The following TRAPPC10 variants were observed in gnomAD, a reference collection of about 807,000 sequenced individuals.
TRAPPC10 encodes the protein trafficking protein particle complex subunit 10.
TRAPPC10 carries 23 observed loss-of-function variants against 125.5 expected under a neutral mutation model. The observed-to-expected ratio is 0.18, with a 90% CI of 0.13 to 0.26. The LOEUF (loss-of-function observed/expected upper bound fraction) is 0.26, where lower values mean the gene tolerates loss of function less well. Among genes scored for constraint, TRAPPC10 ranks in the 10% least tolerant of loss-of-function variants. TRAPPC10 has a pLI of 1.00. For synonymous variants in TRAPPC10, 509 were observed against 518.0 expected (o/e 0.98, Z 0.24); for missense variants, 1,123 against 1,308.4 (o/e 0.86, Z 2.19).
intron 2 of TRAPPC10, among the ~76,000 whole-genome samples, chr21:44,036,043 G>A (rs1334623462): frequency 6.6e-6 from 1 of 152,138 alleles, no homozygotes; most frequent in Non-Finnish European, 1.5e-5. Flanking sequence ...ATCCACCTGA[G>A]GGGCTTTTCA....
intron 20 of TRAPPC10, among the ~76,000 whole-genome samples, chr21:44,095,348 C>T (rs1446404710): frequency 2.0e-5 from 3 of 150,332 alleles, no homozygotes; most frequent in African/African-American, 4.9e-5. Context: ...CAGGTTCAAG[C>T]GATTCTCCTG....
rs553755902 is a variant in TRAPPC10 at position 44,075,932 on chromosome 21, C to G, written c.1301-620C>G. On this transcript the variant is annotated intron_variant, in intron 9 of 22. Transcript: ENST00000291574. ...GGTGTGGTGGTGCATGCCTGTAATCCCAGCTATTCGGGAGGCTGAGGCAGG... is the reference window on the plus strand; with the variant it reads ...GGTGTGGTGGTGCATGCCTGTAATCGCAGCTATTCGGGAGGCTGAGGCAGG... Among the ~76,000 whole-genome samples, 69 of 152,108 alleles carry G rather than the reference C, an allele frequency of 4.5e-4. 1 individual carries two copies. The highest frequency in any genetic ancestry group is 8.2e-4 in the Non-Finnish European group (56 of 67,988).
At chr21:44,093,911 C>A in intron 19 of TRAPPC10, 152 bp from the exon 20 acceptor site, 1 of 707,104 alleles carries the variant, frequency 1.4e-6, no homozygotes. Flanking sequence ...TGCTGTGGGG[C>A]CTAAAGCAGC....
chr21:44,034,809 T>C (rs1279799114), intron 2 of TRAPPC10, among the ~76,000 whole-genome samples: 2 of 152,114 alleles, frequency 1.3e-5, no homozygotes, highest in African/African-American at 4.8e-5. Flanking sequence ...GTAGAAGACC[T>C]TGTGAAGATG....
At chr21:44,037,066 C>T (rs985628300) in intron 2 of TRAPPC10, among the ~76,000 whole-genome samples, 7 of 152,192 alleles carry the variant, frequency 4.6e-5, no homozygotes, top group Admixed American at 2.0e-4. Context: ...TTATTAAACA[C>T]AGCACCCTTA....
rs143775804 is a variant in TRAPPC10 at position 44,055,315 on chromosome 21, T to C, written c.483-383T>C. 5.0e-4 allele frequency among the ~76,000 whole-genome samples: 76 copies of C among 152,236 alleles called. 1 individual carries two copies. In the Middle Eastern group the frequency reaches 0.02, roughly 41 times the overall value. On this transcript the variant is annotated intron_variant, in intron 4 of 22. Coordinates refer to ENST00000291574, the MANE Select transcript of TRAPPC10 (RefSeq NM_003274.5). ...CTGTTTATAGACGGAAGAAGCTAGA[T>C]GCGGTGGCTTATGCCTATAATCCCA...
rs954810521 is a variant in TRAPPC10 at position 44,047,565 on chromosome 21, T to TGTGTGTGTGTGTGTGTGTGTGCGCGC, written c.286-4714_286-4713insTGTGTGTGTGTGTGTGTGTGCGCGCG. On this transcript the variant is annotated intron_variant, in intron 3 of 22. Coordinates refer to ENST00000291574, the MANE Select transcript of TRAPPC10 (RefSeq NM_003274.5). ...GTGTGTGTGTGTGTGTGTGTGTGTG[T>TGTGTGTGTGTGTGTGTGTGTGCGCGC]GCGCGCACACGCTACATGAAGTTCC... 9.0e-4 allele frequency among the ~76,000 whole-genome samples: 132 copies of TGTGTGTGTGTGTGTGTGTGTGCGCGC among 147,174 alleles called. 1 individual carries two copies. Among genetic ancestry groups the TGTGTGTGTGTGTGTGTGTGTGCGCGC allele is most frequent in the African/African-American group, 3.0e-3 (117 of 38,688 alleles).
chr21:44,020,784 C>T (rs1326402030), intron 1 of TRAPPC10, among the ~76,000 whole-genome samples: 2 of 152,178 alleles, frequency 1.3e-5, no homozygotes, highest in African/African-American at 4.8e-5. Flanking sequence ...AGTCAGCAAG[C>T]TCTAAACATC....
intron 7 of TRAPPC10, among the ~76,000 whole-genome samples, chr21:44,072,576 G>A (rs1027718420): frequency 3.3e-5 from 5 of 152,172 alleles, no homozygotes; most frequent in African/African-American, 1.2e-4. Flanking sequence ...TGATTCTCCT[G>A]TCTAAGCCTC....
intron 4 of TRAPPC10, among the ~76,000 whole-genome samples, chr21:44,052,767 TCTTCTGTAGAACGGGTC>T (rs2035310338): frequency 6.6e-6 from 1 of 151,558 alleles, no homozygotes; most frequent in Admixed American, 6.6e-5. Context: ...CTCCTGCAGT[TCTTCTGTAGAACGGGTC>T]CTTAAAGGTT....
chr21:44,041,424 T>A (rs981839448), intron 3 of TRAPPC10, among the ~76,000 whole-genome samples: 3 of 152,164 alleles, frequency 2.0e-5, no homozygotes, highest in African/African-American at 7.2e-5. Context: ...TTGCCCAGGC[T>A]GGAGTGCAGT....
At chr21:44,095,317 C>T (rs1056365989) in intron 20 of TRAPPC10, among the ~76,000 whole-genome samples, 3 of 152,036 alleles carry the variant, frequency 2.0e-5, no homozygotes, top group Non-Finnish European at 2.9e-5. Flanking sequence ...ACGATCTCGG[C>T]TCACCACAAC....
At chr21:44,081,526 C>G (rs761578979) in intron 13 of TRAPPC10, among the ~76,000 whole-genome samples, 9 of 152,174 alleles carry the variant, frequency 5.9e-5, no homozygotes, top group Non-Finnish European at 7.4e-5. Flanking sequence ...CCCCAAAGTG[C>G]TGGGATTACA....
Position 44,080,007 on chromosome 21 carries a change from C to T in TRAPPC10, c.1611-8C>T, listed in dbSNP as rs576699187. 23 of 1,612,782 alleles carry T rather than the reference C, an allele frequency of 1.4e-5. No homozygotes were observed. Among genetic ancestry groups the T allele is most frequent in the South Asian group, 6.6e-5 (6 of 91,026 alleles). ...AGCCTCTCCACGCTCCTTACCTCTC[C>T]GCTCCAGCTACCTGCAGACCAGCAG... is the stretch of plus-strand genomic sequence containing the variant. On this transcript the variant is annotated splice_polypyrimidine_tract_variant and splice_region_variant and intron_variant, in intron 12 of 22. Transcript: ENST00000291574.
At chr21:44,014,455 A>G (rs2031568991) in intron 1 of TRAPPC10, among the ~76,000 whole-genome samples, 1 of 151,162 alleles carries the variant, frequency 6.6e-6, no homozygotes. Context: ...GTGCAGTGGC[A>G]TGATCTCGGC....
At chr21:44,064,112 A>G (rs553515097) in intron 7 of TRAPPC10, among the ~76,000 whole-genome samples, 1 of 152,356 alleles carries the variant, frequency 6.6e-6, no homozygotes, top group East Asian at 1.9e-4. Context: ...CCTGAGGGAC[A>G]CGCAGAGCTA....
chr21:44,086,850 C>A lies in TRAPPC10; in HGVS notation c.2429C>A (p.Thr810Asn). 1 of 1,614,166 alleles carries A rather than the reference C, an allele frequency of 6.2e-7. No homozygotes were observed. Among genetic ancestry groups the A allele is most frequent in the Non-Finnish European group, 8.5e-7 (1 of 1,180,022 alleles). The change falls in exon 16 of 23, where the codon ACC (threonine) becomes AAC (asparagine). Residue 810 changes from threonine (T) to asparagine (N), a missense_variant. Physicochemically the swap from Thr to Asn is moderately conservative, Grantham distance 65. This residue lies in a region of TRAPPC10 where 840 missense variants were observed against 902.0 expected (regional missense o/e 0.93). Transcript: ENST00000291574. ...IPQRVKFTVTTGHYTIKNGDS... is the reference protein window; with the variant it reads ...IPQRVKFTVTNGHYTIKNGDS... ...CAGAGAGTCAAGTTCACTGTCACTACCGGCCATTATACGATAAAGAATGGA... is the reference window on the plus strand; with the variant it reads ...CAGAGAGTCAAGTTCACTGTCACTAACGGCCATTATACGATAAAGAATGGA...
intron 17 of TRAPPC10, chr21:44,088,283 C>G: frequency 3.8e-6 from 1 of 263,654 alleles, no homozygotes; most frequent in Non-Finnish European, 7.4e-6. Context: ...GCCTCGGTGT[C>G]TGTCCACTGA....
Position 44,089,843 on chromosome 21 carries a change from A to G in TRAPPC10, c.2780A>G (p.Asp927Gly). 1 of 1,613,544 alleles carries G rather than the reference A, an allele frequency of 6.2e-7. No homozygotes were observed. Among genetic ancestry groups the G allele is most frequent in the Middle Eastern group, 1.7e-4 (1 of 6,054 alleles). ...MVTTDHKVSI[D>G]CPWSIYSTVI... ...GTGCTTCCTCCTCAGGTGTCGATTG[A>G]CTGCCCGTGGTCCATCTACTCCACA... The change falls in exon 18 of 23, where the codon GAC becomes GGC. Residue 927 changes from aspartate to glycine, a missense_variant. Asp to Gly is a moderately conservative substitution (Grantham distance 94). This residue lies in a region of TRAPPC10 where 840 missense variants were observed against 902.0 expected (regional missense o/e 0.93). Transcript: ENST00000291574.
Sources: gnomAD v4.1 joint callset for allele counts (sites outside exome capture counted in the v4.1 genomes callset) on GRCh38, gnomAD v4.1.1 for gene constraint, gnomAD v4.1.1 regional missense constraint, MANE v1.5 for transcripts, NCBI Gene and HGNC (gene_info 2026-07-23, HGNC 2026-07-21) for gene names.